Variants in SYN3 observed in about 807,000 individuals in gnomAD.
SYN3 encodes the protein synapsin-3.
Under a neutral mutation model 65.8 loss-of-function variants are expected in SYN3, and 35 were observed. The ratio of observed to expected loss-of-function variants is 0.53; its 90% confidence interval spans 0.41 to 0.70. The LOEUF (loss-of-function observed/expected upper bound fraction) is 0.70, where lower values mean the gene tolerates loss of function less well. SYN3 is among the 30% of genes least tolerant of loss of function. The probability of loss-of-function intolerance (pLI) is 0.00; values close to 1 mark genes in which losing one functional copy is unlikely to be tolerated. For missense variants in SYN3, 680 were observed against 749.0 expected, an observed-to-expected ratio of 0.91 and a Z score of 1.08; for synonymous variants, 270 against 292.9, an observed-to-expected ratio of 0.92 and a Z score of 0.80.
intron 3 of SYN3, among the ~76,000 whole-genome samples, chr22:32,979,869 G>T (rs947832702): frequency 6.6e-6 from 1 of 152,110 alleles, no homozygotes; most frequent in Non-Finnish European, 1.5e-5. Flanking sequence ...AGTAAGGGGC[G>T]GTGTTAGGAT....
At chr22:32,948,047 C>T (rs1239424701) in intron 3 of SYN3, among the ~76,000 whole-genome samples, 5 of 152,306 alleles carry the variant, frequency 3.3e-5, no homozygotes, top group South Asian at 4.1e-4. Flanking sequence ...TTCCTTATGA[C>T]GTTGTACTCC....
rs1000041933 is a variant in SYN3 at position 32,837,334 on chromosome 22, C to G, written c.711+27581G>C. On this transcript the variant is annotated intron_variant, in intron 6 of 13. Coordinates refer to ENST00000358763, the MANE Select transcript of SYN3 (RefSeq NM_003490.4). This position sits in a 1 kb window ranked among gnomAD's most constrained non-coding sequence, Gnocchi z 4.1. ...ACTCTCAGGGGATAGGGGGTGGTCT[C>G]AGCCCCCCTCACCGAGTGCACTTGC... 6.6e-6 allele frequency among the ~76,000 whole-genome samples: 1 copy of G among 152,168 alleles called. No homozygotes were observed. The highest frequency in any genetic ancestry group is 2.4e-5 in the African/African-American group (1 of 41,446).
At chr22:32,851,930 G>A (rs1472284267) in intron 6 of SYN3, among the ~76,000 whole-genome samples, 11 of 152,122 alleles carry the variant, frequency 7.2e-5, no homozygotes, top group South Asian at 2.1e-4. Context: ...GTAATAGTCC[G>A]TCCATCCATC....
Position 32,915,959 on chromosome 22 carries a change from G to A in SYN3, c.461+15431C>T, listed in dbSNP as rs142357788. On this transcript the variant is annotated intron_variant, in intron 4 of 13. Coordinates refer to ENST00000358763, the MANE Select transcript of SYN3 (RefSeq NM_003490.4). ...GTCCTTAAACCTAGGTTTCCCCTGT[G>A]CCTGTCTTTGACCACTAGAATGAGG... Among the ~76,000 whole-genome samples, 399 of 152,232 alleles carry A rather than the reference G, an allele frequency of 2.6e-3. 3 individuals are homozygous for A. The highest frequency in any genetic ancestry group is 0.01 in the Middle Eastern group (3 of 294).
At chr22:32,977,998 A>G (rs8142539) in intron 3 of SYN3, among the ~76,000 whole-genome samples, 4,298 of 152,288 alleles carry the variant, frequency 0.028, 215 homozygotes, top group African/African-American at 0.097. Flanking sequence ...GAAAGGGAAT[A>G]ACCAGGTTAC....
chr22:32,544,105 G>C (rs2058301276), intron 7 of SYN3, among the ~76,000 whole-genome samples: 2 of 152,140 alleles, frequency 1.3e-5, no homozygotes, highest in Admixed American at 6.5e-5. Context: ...TGCCCGGCTA[G>C]TTTTTGATTA....
At chr22:32,620,342 C>T (rs1243450845) in intron 6 of SYN3, among the ~76,000 whole-genome samples, 1 of 152,120 alleles carries the variant, frequency 6.6e-6, no homozygotes, top group African/African-American at 2.4e-5. Context: ...ATATATGAAT[C>T]ACGAAAGGCA....
intron 6 of SYN3, among the ~76,000 whole-genome samples, chr22:32,716,392 C>A (rs1332487731): frequency 6.6e-6 from 1 of 152,060 alleles, no homozygotes; most frequent in Non-Finnish European, 1.5e-5. Context: ...GTAGGAGAAG[C>A]TTCTGGAGCT....
At chr22:33,037,906 GAAGA>G (rs1222287084) in intron 1 of SYN3, among the ~76,000 whole-genome samples, 1 of 150,312 alleles carries the variant, frequency 6.7e-6, no homozygotes, top group African/African-American at 2.5e-5. Context: ...AAGAAAAGGA[GAAGA>G]AAGAGAAAAA....
chr22:33,030,590 G>T lies in SYN3; in HGVS notation c.-162-23766C>A, dbSNP rs936859647. 4.6e-5 allele frequency among the ~76,000 whole-genome samples: 7 copies of T among 151,424 alleles called. 1 individual carries two copies. The highest frequency in any genetic ancestry group is 3.9e-4 in the East Asian group (2 of 5,108). On this transcript the variant is annotated intron_variant, in intron 1 of 13. Coordinates refer to ENST00000358763, the MANE Select transcript of SYN3 (RefSeq NM_003490.4). ...ACTGAGAGATAGAGACAGAGAGAGAGAGAGACAGAGAGAGATAGATAAAAA... is the reference window on the plus strand; with the variant it reads ...ACTGAGAGATAGAGACAGAGAGAGATAGAGACAGAGAGAGATAGATAAAAA...
intron 6 of SYN3, among the ~76,000 whole-genome samples, chr22:32,800,199 T>C (rs1406362622): frequency 6.6e-6 from 1 of 152,194 alleles, no homozygotes; most frequent in Non-Finnish European, 1.5e-5. Context: ...TGAACTTGCA[T>C]TTCTCCCTGT....
intron 7 of SYN3, among the ~76,000 whole-genome samples, chr22:32,560,275 C>T (rs1397409460): frequency 6.6e-6 from 1 of 152,240 alleles, no homozygotes; most frequent in Non-Finnish European, 1.5e-5. Flanking sequence ...CACTCCTGCT[C>T]TAAAGCCTGC....
rs747116076 is a variant in SYN3 at position 32,679,839 on chromosome 22, C to CTTTTTTTTTTTTTTTT, written c.712-83119_712-83104dup. 8.7e-3 allele frequency among the ~76,000 whole-genome samples: 341 copies of CTTTTTTTTTTTTTTTT among 39,116 alleles called. 54 individuals carry two copies. The highest frequency in any genetic ancestry group is 0.011 in the Non-Finnish European group (228 of 21,534). 25.7% of individuals were successfully genotyped at this position (39,116 alleles called of 152,430 possible). ...AAACTGGGTGAGGTTTGTTTTTTGG[C>CTTTTTTTTTTTTTTTT]TTTTTTTTTTTTTTTTTTTGCTATT... On this transcript the variant is annotated intron_variant, in intron 6 of 13. Transcript: ENST00000358763.
intron 1 of SYN3, among the ~76,000 whole-genome samples, chr22:33,049,670 C>G (rs1288967393): frequency 6.6e-6 from 1 of 152,160 alleles, no homozygotes; most frequent in Non-Finnish European, 1.5e-5. Flanking sequence ...GCCTCTTAGT[C>G]GGGAAGACAA....
At chr22:32,948,819 T>A (rs1214683138) in intron 3 of SYN3, among the ~76,000 whole-genome samples, 1 of 151,676 alleles carries the variant, frequency 6.6e-6, no homozygotes, top group Non-Finnish European at 1.5e-5. Context: ...TTCTTGGGTT[T>A]AAAATTTCCA....
Position 32,510,982 on chromosome 22 carries a change from GGC to G in SYN3, c.*2708_*2709del, listed in dbSNP as rs2057684635. 9.8e-6 allele frequency among the ~76,000 whole-genome samples: 1 copy of G among 102,300 alleles called. No individual in the cohort carries two copies. Among genetic ancestry groups the G allele is most frequent in the African/African-American group, 4.4e-5 (1 of 22,946 alleles). 67.1% of individuals were successfully genotyped at this position (102,300 alleles called of 152,430 possible). On this transcript the variant is annotated 3_prime_UTR_variant, in exon 14 of 14. Coordinates refer to ENST00000358763, the MANE Select transcript of SYN3 (RefSeq NM_003490.4). ...TTTGTCAATTCCAAGTTATTGTCCA[GGC>G]GTGTGTGTGTGTGTGTGTGTGTGTG... is the stretch of plus-strand genomic sequence containing the variant.
At chr22:32,515,093 T>A (rs940005388) in intron 13 of SYN3, among the ~76,000 whole-genome samples, 8 of 151,660 alleles carry the variant, frequency 5.3e-5, no homozygotes, top group African/African-American at 1.2e-4. Flanking sequence ...CCTCAGAGAG[T>A]CTTATCTAGA....
chr22:32,763,602 TCTGCATGCTGGTAGCCATGCAGTA>T (rs2045545554), intron 6 of SYN3, among the ~76,000 whole-genome samples: 1 of 152,210 alleles, frequency 6.6e-6, no homozygotes, highest in African/African-American at 2.4e-5. Flanking sequence ...ATCCAGACAG[TCTGCATGCTGGTAGCCATGCAGTA>T]CTGCCCGGGC....
chr22:32,691,314 G>A (rs2060658795), intron 6 of SYN3, among the ~76,000 whole-genome samples: 3 of 152,162 alleles, frequency 2.0e-5, no homozygotes, highest in Admixed American at 2.0e-4. Context: ...CATGAAGACT[G>A]AGCAAGAGGC....
Sources: gnomAD v4.1 joint callset for allele counts (sites outside exome capture counted in the v4.1 genomes callset) on GRCh38, gnomAD v4.1.1 for gene constraint, Gnocchi (gnomAD v3.1) non-coding constraint, MANE v1.5 for transcripts, NCBI Gene and HGNC (gene_info 2026-07-23, HGNC 2026-07-21) for gene names.